TCF12: variants seen among roughly 807,000 people sequenced by gnomAD.
TCF12 encodes transcription factor 12, also known as DNA-binding protein HTF4.
TCF12 carries 45 observed loss-of-function variants against 86.0 expected under a neutral mutation model. The observed-to-expected ratio is 0.52, with a 90% CI of 0.41 to 0.67. The LOEUF (loss-of-function observed/expected upper bound fraction) is 0.67, where lower values mean the gene tolerates loss of function less well. Ranked by LOEUF, TCF12 falls within the 30% of genes least tolerant of loss-of-function variation. The pLI, the probability that TCF12 is intolerant of heterozygous loss-of-function variation, is 0.00. For synonymous variants in TCF12, 330 were observed against 299.6 expected (o/e 1.10, Z -1.05); for missense variants, 881 against 859.9 (o/e 1.02, Z -0.31).
Position 57,224,879 on chromosome 15 carries a change from G to A in TCF12, c.580-6273G>A, listed in dbSNP as rs945824219. On this transcript the variant is annotated intron_variant, in intron 8 of 20. Transcript: ENST00000333725. ...TAATACCTGTGGTTTCAGTTCTTGT[G>A]GTATTTTTACTGGAACTATCTAAAT... is the stretch of plus-strand genomic sequence containing the variant. 2.6e-5 allele frequency among the ~76,000 whole-genome samples: 4 copies of A among 151,914 alleles called. No homozygotes were observed. The South Asian group carries it at 8.3e-4, about 31-fold the overall frequency.
chr15:57,184,673 AT>A (rs2056561530), intron 6 of TCF12, among the ~76,000 whole-genome samples: 1 of 152,188 alleles, frequency 6.6e-6, no homozygotes, highest in South Asian at 2.1e-4. Flanking sequence ...TGGTAATAAT[AT>A]GTTCCATCTA....
chr15:57,151,504 C>T (rs888027661), intron 5 of TCF12, among the ~76,000 whole-genome samples: 7 of 152,038 alleles, frequency 4.6e-5, no homozygotes, highest in African/African-American at 1.2e-4. Flanking sequence ...CGGTGGCTCA[C>T]GCCTGTAATC....
At chr15:57,215,145 A>AT (rs1453169520) in intron 8 of TCF12, among the ~76,000 whole-genome samples, 1 of 152,166 alleles carries the variant, frequency 6.6e-6, no homozygotes, top group East Asian at 1.9e-4. Flanking sequence ...ACAAAGTAGC[A>AT]TATACTACCA....
chr15:57,160,974 G>C (rs1262947485), intron 5 of TCF12, among the ~76,000 whole-genome samples: 6 of 152,148 alleles, frequency 3.9e-5, no homozygotes, highest in African/African-American at 1.4e-4. Context: ...ACAGGCATGA[G>C]CCACAGCACC....
At chr15:57,164,653 G>T (rs370473047) in intron 5 of TCF12, among the ~76,000 whole-genome samples, 3 of 151,998 alleles carry the variant, frequency 2.0e-5, no homozygotes. Flanking sequence ...CGTATCAGTG[G>T]GTATAGTCAC....
chr15:57,134,743 A>G (rs564834958), intron 5 of TCF12, among the ~76,000 whole-genome samples: 2 of 152,238 alleles, frequency 1.3e-5, no homozygotes, highest in East Asian at 3.9e-4. Context: ...ACCATGGAAA[A>G]CTGATGCCAT....
chr15:57,225,468 A>C (rs1236963251), intron 8 of TCF12, among the ~76,000 whole-genome samples: 1 of 150,116 alleles, frequency 6.7e-6, no homozygotes, highest in Non-Finnish European at 1.5e-5. Flanking sequence ...GATGGTCTCG[A>C]CCTCCTGACC....
intron 5 of TCF12, among the ~76,000 whole-genome samples, chr15:57,146,392 T>A (rs1186055152): frequency 6.6e-6 from 1 of 152,328 alleles, no homozygotes; most frequent in East Asian, 1.9e-4. Context: ...ATTTTCACCA[T>A]GTTACAGAGT....
chr15:57,288,427 A>C lies in TCF12; in HGVS notation c.*2282A>C, dbSNP rs1166587672. The stretch of plus-strand genomic sequence containing the variant: ...CTTTTCAACCAGCAGCAAGAAGTTC[A>C]AATTTTTTTCTGTCACTGTAACAGA... On this transcript the variant is annotated 3_prime_UTR_variant, in exon 21 of 21. Transcript: ENST00000333725. 1 of 152,666 alleles carries C rather than the reference A, an allele frequency of 6.6e-6. No individual in the cohort carries two copies. Among genetic ancestry groups the C allele is most frequent in the Non-Finnish European group, 1.5e-5 (1 of 68,042 alleles). 9.5% of individuals were successfully genotyped at this position (152,666 alleles called of 1,614,324 possible).
intron 2 of TCF12, among the ~76,000 whole-genome samples, chr15:56,920,784 TA>T (rs1216466882): frequency 6.6e-6 from 1 of 152,190 alleles, no homozygotes; most frequent in Admixed American, 6.5e-5. Context: ...TTAAACTTAA[TA>T]ATCTTGGACT....
At chr15:56,996,705 C>T (rs2063734534) in intron 3 of TCF12, among the ~76,000 whole-genome samples, 1 of 152,142 alleles carries the variant, frequency 6.6e-6, no homozygotes, top group South Asian at 2.1e-4. Flanking sequence ...AGACAACCTA[C>T]AGAATGGGAG....
At chr15:57,038,432 A>G (rs1816250704) in intron 3 of TCF12, among the ~76,000 whole-genome samples, 1 of 134,918 alleles carries the variant, frequency 7.4e-6, no homozygotes, top group Admixed American at 7.7e-5. Context: ...TCAAAAAGAA[A>G]GAAGGTGGGG....
intron 4 of TCF12, among the ~76,000 whole-genome samples, chr15:57,070,356 C>T (rs2069264287): frequency 1.3e-5 from 2 of 152,014 alleles, no homozygotes; most frequent in South Asian, 4.1e-4. Flanking sequence ...AAAACAAAAA[C>T]GGACCATAGA....
At chr15:57,110,913 G>T (rs147239926) in intron 5 of TCF12, among the ~76,000 whole-genome samples, 59 of 152,304 alleles carry the variant, frequency 3.9e-4, no homozygotes, top group African/African-American at 1.4e-3. Context: ...ATTTGATATG[G>T]TAATAGGAGA....
At chr15:57,045,863 T>G (rs1017998134) in intron 3 of TCF12, among the ~76,000 whole-genome samples, 2 of 150,884 alleles carry the variant, frequency 1.3e-5, no homozygotes, top group Admixed American at 1.3e-4. Context: ...GAAGTTTTAG[T>G]ACAGAGGCTA....
chr15:57,098,697 G>T (rs9806199), intron 5 of TCF12, among the ~76,000 whole-genome samples: 37,437 of 151,966 alleles, frequency 0.25, 5,427 homozygotes, highest in East Asian at 0.4. Context: ...TTTTATTGTG[G>T]GTCACATTTA....
intron 3 of TCF12, among the ~76,000 whole-genome samples, chr15:57,056,116 G>GGGGTGTGTGTGTGT (rs367596955): frequency 1.4e-5 from 2 of 143,238 alleles, no homozygotes; most frequent in African/African-American, 5.4e-5. Context: ...TAGTTTTAGG[G>GGGGTGTGTGTGTGT]GTGTGTGTGT....
intron 5 of TCF12, among the ~76,000 whole-genome samples, chr15:57,126,047 A>T (rs1596668520): frequency 6.6e-6 from 1 of 152,166 alleles, no homozygotes; most frequent in Non-Finnish European, 1.5e-5. Flanking sequence ...CCTGGGCAAC[A>T]TGATGAAACC....
chr15:57,258,293 G>A (rs1051961768), intron 16 of TCF12, among the ~76,000 whole-genome samples: 6 of 152,114 alleles, frequency 3.9e-5, no homozygotes, highest in African/African-American at 1.2e-4. Context: ...TTAAAAAAAA[G>A]GGGAATCGTG....
Sources: gnomAD v4.1 joint callset for allele counts (sites outside exome capture counted in the v4.1 genomes callset) on GRCh38, gnomAD v4.1.1 for gene constraint, MANE v1.5 for transcripts, NCBI Gene and HGNC (gene_info 2026-07-23, HGNC 2026-07-21) for gene names.